The following CCDC7 variants were observed in gnomAD, a reference collection of about 807,000 sequenced individuals.
The protein encoded by CCDC7 is coiled-coil domain-containing protein 7.
CCDC7 carries 183 observed loss-of-function variants against 196.9 expected under a neutral mutation model. The ratio of observed to expected loss-of-function variants is 0.93; its 90% CI spans 0.82 to 1.05. CCDC7 has a LOEUF of 1.05. CCDC7 is among the 50% of genes least tolerant of loss of function. CCDC7 has a pLI of 0.00. For missense variants in CCDC7, 1,540 were observed against 1,482.2 expected, an observed-to-expected ratio of 1.04 and a Z score of -0.64; for synonymous variants, 525 against 484.6, an observed-to-expected ratio of 1.08 and a Z score of -1.10.
intron 13 of CCDC7, among the ~76,000 whole-genome samples, chr10:32,559,657 C>T (rs1372596803): frequency 1.3e-5 from 2 of 152,098 alleles, no homozygotes; most frequent in African/African-American, 4.8e-5. Context: ...ACATCCACAC[C>T]AAAAACCCAT....
At chr10:32,802,799 G>C (rs915466688) in intron 29 of CCDC7, among the ~76,000 whole-genome samples, 9 of 152,220 alleles carry the variant, frequency 5.9e-5, no homozygotes, top group Non-Finnish European at 1.0e-4. Context: ...TGGTGTTGAA[G>C]GGCAGGAAGC....
intron 4 of CCDC7, 117 bp from the exon 6 acceptor site, chr10:32,462,900 A>C: frequency 6.8e-7 from 1 of 1,479,420 alleles, no homozygotes; most frequent in South Asian, 1.2e-5. Flanking sequence ...GTCAGGGCTG[A>C]TATTTGATGG....
chr10:32,588,001 C>T (rs938812439), intron 18 of CCDC7, among the ~76,000 whole-genome samples: 1 of 152,108 alleles, frequency 6.6e-6, no homozygotes, highest in African/African-American at 2.4e-5. Context: ...ATAAATTAAT[C>T]CATTCATAGA....
chr10:32,472,637 C>T (rs2038181567), intron 7 of CCDC7, 95 bp downstream of exon 8: 1 of 1,151,158 alleles, frequency 8.7e-7, no homozygotes, highest in Non-Finnish European at 1.2e-6. Context: ...CTCTGTCACC[C>T]ATGCTGGAGT....
chr10:32,711,275 C>A (rs927884388), intron 24 of CCDC7, among the ~76,000 whole-genome samples: 1 of 151,912 alleles, frequency 6.6e-6, no homozygotes, highest in Non-Finnish European at 1.5e-5. Flanking sequence ...GTTTTGAATA[C>A]TTTGCAATTA....
intron 9 of CCDC7, among the ~76,000 whole-genome samples, chr10:32,503,592 G>C (rs1473824896): frequency 6.6e-6 from 1 of 152,090 alleles, no homozygotes; most frequent in African/African-American, 2.4e-5. Context: ...TTCTTTTCTT[G>C]TGATGTCCAT....
intron 21 of CCDC7, among the ~76,000 whole-genome samples, chr10:32,671,685 T>C (rs78098143): frequency 0.053 from 8,075 of 152,228 alleles, 720 homozygotes; most frequent in African/African-American, 0.18. Context: ...TCTGCAAATC[T>C]GGTGCAGCAG....
At chr10:32,581,346 T>A (rs1333417534) in intron 16 of CCDC7, among the ~76,000 whole-genome samples, 1 of 152,104 alleles carries the variant, frequency 6.6e-6, no homozygotes, top group Non-Finnish European at 1.5e-5. Context: ...GAAAACAACT[T>A]GCTTTATTAT....
At position 32,867,728 on chromosome 10, in the gene CCDC7, G is replaced by A. The variant is rs144600092; in HGVS notation, c.4112-8619G>A. ...CATTAAAGATAAAACTGTTTATATTGTTTATTTTTAAAATTATTTTAAAAA... is the reference window on the plus strand; with the variant it reads ...CATTAAAGATAAAACTGTTTATATTATTTATTTTTAAAATTATTTTAAAAA... On this transcript the variant is annotated intron_variant, in intron 41 of 41. Coordinates refer to ENST00000639629, the Ensembl canonical transcript of CCDC7. 2.6e-4 allele frequency among the ~76,000 whole-genome samples: 39 copies of A among 151,570 alleles called. 1 individual carries two copies. Among genetic ancestry groups the A allele is most frequent in the Admixed American group, 2.4e-3 (36 of 15,204 alleles).
At chr10:32,860,411 T>C (rs1227248268) in intron 41 of CCDC7, among the ~76,000 whole-genome samples, 2 of 152,174 alleles carry the variant, frequency 1.3e-5, no homozygotes, top group Admixed American at 1.3e-4. Context: ...ATGGAATGTA[T>C]GTCAAAATAA....
At chr10:32,833,353 T>A (rs2092362523) in intron 32 of CCDC7, among the ~76,000 whole-genome samples, 1 of 149,966 alleles carries the variant, frequency 6.7e-6, no homozygotes, top group African/African-American at 2.5e-5. Flanking sequence ...ACCCTTTTTT[T>A]AAAAAAAAAA....
chr10:32,590,670 G>T (rs537559899), intron 18 of CCDC7, among the ~76,000 whole-genome samples: 32 of 152,238 alleles, frequency 2.1e-4, no homozygotes, highest in African/African-American at 5.3e-4. Flanking sequence ...GACAGGTCTG[G>T]TGTTGATAAA....
At chr10:32,691,085 C>T (rs978180816) in intron 23 of CCDC7, among the ~76,000 whole-genome samples, 4 of 152,174 alleles carry the variant, frequency 2.6e-5, no homozygotes, top group East Asian at 1.9e-4. Flanking sequence ...TCTGACCTTA[C>T]GATACATTCT....
intron 18 of CCDC7, among the ~76,000 whole-genome samples, chr10:32,633,272 C>CAT (rs1035832003): frequency 8.5e-5 from 13 of 152,160 alleles, no homozygotes; most frequent in African/African-American, 2.9e-4. Context: ...CACAAACATG[C>CAT]ATATACATGC....
intron 41 of CCDC7, among the ~76,000 whole-genome samples, chr10:32,865,711 C>G (rs1020059556): frequency 1.3e-5 from 2 of 151,698 alleles, no homozygotes; most frequent in Non-Finnish European, 3.0e-5. Context: ...ATTCATTCCT[C>G]CATGTAAATT....
chr10:32,703,507 C>G (rs1347688752), intron 24 of CCDC7, among the ~76,000 whole-genome samples: 1 of 151,922 alleles, frequency 6.6e-6, no homozygotes, highest in African/African-American at 2.4e-5. Context: ...AGTTGCTGTT[C>G]TCGAGGAGTA....
chr10:32,541,414 G>C (rs1430648461), intron 11 of CCDC7, among the ~76,000 whole-genome samples: 1 of 152,034 alleles, frequency 6.6e-6, no homozygotes, highest in Non-Finnish European at 1.5e-5. Context: ...AGCTCTCTGG[G>C]TATTTCCTGG....
intron 41 of CCDC7, among the ~76,000 whole-genome samples, chr10:32,873,333 C>T (rs1382837454): frequency 1.3e-5 from 2 of 152,068 alleles, no homozygotes; most frequent in Non-Finnish European, 2.9e-5. Context: ...GAATTGGCTA[C>T]TGAGGCTTGT....
intron 11 of CCDC7, among the ~76,000 whole-genome samples, chr10:32,526,144 C>T (rs2048638372): frequency 6.6e-6 from 1 of 152,216 alleles, no homozygotes; most frequent in Non-Finnish European, 1.5e-5. Context: ...CAAAGTTCTT[C>T]CCACTCTGCC....
Sources: allele counts gnomAD v4.1 joint callset (sites outside exome capture counted in the v4.1 genomes callset), GRCh38; gene constraint gnomAD v4.1.1; transcripts MANE v1.5; gene names NCBI Gene and HGNC (gene_info 2026-07-23, HGNC 2026-07-21).